Variants in MDGA2 observed in about 807,000 individuals in gnomAD.
The protein encoded by MDGA2 is MAM domain-containing glycosylphosphatidylinositol anchor protein 2.
Under a neutral mutation model 117.8 loss-of-function variants are expected in MDGA2, and 40 were observed. The ratio of observed to expected loss-of-function variants is 0.34; its 90% CI spans 0.26 to 0.44. The LOEUF is 0.44. Among genes scored for constraint, MDGA2 ranks in the 20% least tolerant of loss-of-function variants. MDGA2 has a pLI of 1.00. For missense variants in MDGA2, 1,123 were observed against 1,250.6 expected (o/e 0.90, Z 1.54); for synonymous variants, 452 against 439.0 (o/e 1.03, Z -0.37).
intron 1 of MDGA2, among the ~76,000 whole-genome samples, chr14:47,648,247 T>C (rs1390592575): frequency 1.3e-5 from 2 of 152,162 alleles, no homozygotes; most frequent in Non-Finnish European, 2.9e-5. Context: ...CCTTTCACTA[T>C]TTATGCAGTC....
chr14:47,502,025 G>A (rs998944640), intron 1 of MDGA2, among the ~76,000 whole-genome samples: 1 of 152,068 alleles, frequency 6.6e-6, no homozygotes, highest in Non-Finnish European at 1.5e-5. Flanking sequence ...GAAGAAATAA[G>A]ATGAGAGCCT....
At chr14:47,386,550 A>C (rs1056752763) in intron 1 of MDGA2, among the ~76,000 whole-genome samples, 1 of 152,218 alleles carries the variant, frequency 6.6e-6, no homozygotes, top group Non-Finnish European at 1.5e-5. Context: ...AAATGGTAAT[A>C]TAAAATGTGA....
chr14:47,553,241 G>A (rs1895619481), intron 1 of MDGA2, among the ~76,000 whole-genome samples: 1 of 152,140 alleles, frequency 6.6e-6, no homozygotes, highest in African/African-American at 2.4e-5. Flanking sequence ...ACTTTCTGAG[G>A]GCAAAGAATT....
intron 9 of MDGA2, among the ~76,000 whole-genome samples, chr14:46,937,901 TATGA>T (rs2138571149): frequency 6.6e-6 from 1 of 152,072 alleles, no homozygotes; most frequent in South Asian, 2.1e-4. Flanking sequence ...GAAAAGATTT[TATGA>T]ATAAGACTTC....
At chr14:46,844,527 G>T (rs1254325854) in intron 16 of MDGA2, among the ~76,000 whole-genome samples, 3 of 152,024 alleles carry the variant, frequency 2.0e-5, no homozygotes, top group Non-Finnish European at 2.9e-5. Flanking sequence ...ATTGCAGTGA[G>T]CAGAGATTGC....
At chr14:47,540,796 C>A (rs1365272563) in intron 1 of MDGA2, among the ~76,000 whole-genome samples, 1 of 151,734 alleles carries the variant, frequency 6.6e-6, no homozygotes, top group East Asian at 1.9e-4. Flanking sequence ...AACTCCTGAT[C>A]TCAAGTAATC....
At chr14:47,154,579 G>T (rs796507347) in intron 3 of MDGA2, among the ~76,000 whole-genome samples, 1 of 152,192 alleles carries the variant, frequency 6.6e-6, no homozygotes, top group African/African-American at 2.4e-5. Context: ...TCCCAGCACT[G>T]GCTCCAATTT....
chr14:47,333,574 T>C (rs1446095608), intron 1 of MDGA2, among the ~76,000 whole-genome samples: 3 of 151,898 alleles, frequency 2.0e-5, no homozygotes, highest in Non-Finnish European at 4.4e-5. Flanking sequence ...TATTATTTTT[T>C]GTTAGTAATA....
At chr14:46,994,784 A>T (rs1487607128) in intron 8 of MDGA2, among the ~76,000 whole-genome samples, 3 of 152,172 alleles carry the variant, frequency 2.0e-5, no homozygotes, top group South Asian at 2.1e-4. Context: ...TGAAAATATT[A>T]AATCATTAAT....
chr14:47,454,180 T>C (rs1396361795), intron 1 of MDGA2, among the ~76,000 whole-genome samples: 2 of 152,182 alleles, frequency 1.3e-5, no homozygotes, highest in African/African-American at 2.4e-5. Context: ...AAGTGATTGA[T>C]TGACACTTCA....
At chr14:47,355,274 G>A (rs1890968591) in intron 1 of MDGA2, among the ~76,000 whole-genome samples, 1 of 152,104 alleles carries the variant, frequency 6.6e-6, no homozygotes. Flanking sequence ...AAAGGTATCA[G>A]GAACCCAACC....
At chr14:46,913,774 C>T (rs1313869035) in intron 10 of MDGA2, among the ~76,000 whole-genome samples, 2 of 152,082 alleles carry the variant, frequency 1.3e-5, no homozygotes, top group African/African-American at 4.8e-5. Context: ...CTGCCCCCAT[C>T]GATTTCTATG....
chr14:47,607,903 A>G (rs1156341913), intron 1 of MDGA2, among the ~76,000 whole-genome samples: 1 of 152,130 alleles, frequency 6.6e-6, no homozygotes, highest in Non-Finnish European at 1.5e-5. Flanking sequence ...TGTTCATAAT[A>G]TGATAAAAGC....
chr14:47,465,128 G>T (rs963506077), intron 1 of MDGA2, among the ~76,000 whole-genome samples: 2 of 151,850 alleles, frequency 1.3e-5, no homozygotes, highest in Non-Finnish European at 2.9e-5. Flanking sequence ...AATGGTGCTG[G>T]GATAACTGGC....
At chr14:47,625,148 G>A (rs1265768078) in intron 1 of MDGA2, among the ~76,000 whole-genome samples, 1 of 151,974 alleles carries the variant, frequency 6.6e-6, no homozygotes, top group Non-Finnish European at 1.5e-5. Flanking sequence ...TACACAACAG[G>A]TTACAGTATA....
rs1893692346 is a variant in MDGA2 at position 47,470,133 on chromosome 14, T to A, written c.281-168583A>T. On this transcript the variant is annotated intron_variant, in intron 1 of 16. Coordinates refer to ENST00000399232, the MANE Select transcript of MDGA2 (RefSeq NM_001113498.3). ...TTATTTATTTTTATTTTTTTTTTGA[T>A]GCTTTCAATTCTGGGTTACAAGTGC... Among the ~76,000 whole-genome samples the A allele has an allele frequency of 2.0e-5, 3 of 150,610 alleles. No homozygotes were observed. In the South Asian group the frequency reaches 6.3e-4, roughly 32 times the overall value.
In MDGA2 at chr14:47,305,926, G is replaced by A. The variant is rs573284385; in HGVS notation, c.281-4376C>T. 1.4e-3 allele frequency among the ~76,000 whole-genome samples: 217 copies of A among 152,268 alleles called. 1 individual carries two copies. Among genetic ancestry groups the A allele is most frequent in the African/African-American group, 5.1e-3 (211 of 41,552 alleles). ...AACCTAAGTTTGGAGAGATGCTCTT[G>A]GGAGCAAAAGAGGAAGGAGATTTCA... On this transcript the variant is annotated intron_variant, in intron 1 of 16. Coordinates refer to ENST00000399232, the MANE Select transcript of MDGA2 (RefSeq NM_001113498.3).
chr14:46,910,703 T>C (rs1883664980), intron 10 of MDGA2, among the ~76,000 whole-genome samples: 1 of 152,148 alleles, frequency 6.6e-6, no homozygotes, highest in Non-Finnish European at 1.5e-5. Context: ...TCAGACTTAA[T>C]GACATGATCC....
At chr14:47,392,407 TA>T (rs1355554960) in intron 1 of MDGA2, among the ~76,000 whole-genome samples, 16 of 152,272 alleles carry the variant, frequency 1.1e-4, no homozygotes, top group African/African-American at 3.6e-4. Context: ...TTGACCCACA[TA>T]AAAATTTTGA....
Sources: allele counts gnomAD v4.1 joint callset (sites outside exome capture counted in the v4.1 genomes callset), GRCh38; gene constraint gnomAD v4.1.1; transcripts MANE v1.5; gene names NCBI Gene and HGNC (gene_info 2026-07-23, HGNC 2026-07-21).